KIRREL3: variants seen among roughly 807,000 people sequenced by gnomAD.
KIRREL3 encodes kirre like nephrin family adhesion molecule 3.
Under a neutral mutation model 89.7 loss-of-function variants are expected in KIRREL3, and 36 were observed. That is an observed-to-expected ratio of 0.40 (90% CI 0.31 to 0.53). The LOEUF (loss-of-function observed/expected upper bound fraction) is 0.53. Ranked by LOEUF, KIRREL3 falls within the 20% of genes least tolerant of loss-of-function variation. The probability of loss-of-function intolerance (pLI) is 0.49; values close to 1 mark genes in which losing one functional copy is unlikely to be tolerated. For missense variants in KIRREL3, 864 were observed against 1,056.6 expected (o/e 0.82, Z 2.53); for synonymous variants, 445 against 441.4 (o/e 1.01, Z -0.10).
Position 126,903,299 on chromosome 11 carries a change from A to T in KIRREL3, c.55+97156T>A, listed in dbSNP as rs574117415. On this transcript the variant is annotated intron_variant, in intron 1 of 16. Transcript: ENST00000525144. This position sits in a 1 kb window ranked among gnomAD's most constrained non-coding sequence, Gnocchi z 4.5. ...TTTCTTTTCTTTTTTTTTTAAACTA[A>T]TTTTTTCCTCTTTTTCTCTGGGTTA... Among the ~76,000 whole-genome samples the T allele has an allele frequency of 2.6e-5, 4 of 151,926 alleles. No homozygotes were observed. The highest frequency in any genetic ancestry group is 2.1e-4 in the South Asian group (1 of 4,808).
intron 9 of KIRREL3, 124 bp from the exon 10 acceptor site, chr11:126,445,229 A>G (rs1200841656): frequency 7.8e-7 from 1 of 1,288,270 alleles, no homozygotes; most frequent in East Asian, 2.5e-5. Flanking sequence ...CTCAGTAGGA[A>G]GCAAGGTGGG....
Position 126,501,380 on chromosome 11 carries a change from G to T in KIRREL3, c.433+19935C>A, listed in dbSNP as rs1957857135. ...CTGCAGAGGGAGAGGAGCCAGCTTG[G>T]GGCCTGGGGTGCAGTCTTAGAGACT... is the stretch of plus-strand genomic sequence containing the variant. On this transcript the variant is annotated intron_variant, in intron 4 of 16. Coordinates refer to ENST00000525144, the MANE Select transcript of KIRREL3 (RefSeq NM_032531.4). This position sits in a 1 kb window ranked among gnomAD's most constrained non-coding sequence, Gnocchi z 5.8. Among the ~76,000 whole-genome samples the T allele has an allele frequency of 6.6e-6, 1 of 152,216 alleles. No homozygotes were observed. Among genetic ancestry groups the T allele is most frequent in the African/African-American group, 2.4e-5 (1 of 41,452 alleles).
At chr11:126,735,800 A>G (rs116501099) in intron 1 of KIRREL3, among the ~76,000 whole-genome samples, 2,119 of 152,274 alleles carry the variant, frequency 0.014, 48 homozygotes, top group African/African-American at 0.045. Context: ...TTACTTTCTC[A>G]TTGCTTCCTT....
intron 1 of KIRREL3, among the ~76,000 whole-genome samples, chr11:126,899,381 C>G (rs1026594426): frequency 1.3e-5 from 2 of 152,132 alleles, no homozygotes; most frequent in Non-Finnish European, 2.9e-5. Context: ...CTATTAAACA[C>G]AAAATCTCTG....
At chr11:126,921,029 C>T (rs1234174064) in intron 1 of KIRREL3, among the ~76,000 whole-genome samples, 1 of 152,160 alleles carries the variant, frequency 6.6e-6, no homozygotes, top group East Asian at 1.9e-4. Flanking sequence ...TCTCTCTCGC[C>T]CCCTGTGGGC....
intron 1 of KIRREL3, among the ~76,000 whole-genome samples, chr11:126,584,828 A>C (rs1289182712): frequency 1.3e-5 from 2 of 152,216 alleles, no homozygotes; most frequent in South Asian, 2.1e-4. Context: ...TTAACTCAAT[A>C]ATACCAGATA....
chr11:126,828,731 C>T (rs1943503344), intron 1 of KIRREL3, among the ~76,000 whole-genome samples: 1 of 152,182 alleles, frequency 6.6e-6, no homozygotes, highest in African/African-American at 2.4e-5. Flanking sequence ...GACTGCACAA[C>T]CTTTAAAAGT....
rs1958510523 is a variant in KIRREL3, at chr11:126,519,114, A to G, written c.433+2201T>C. 1.3e-5 allele frequency among the ~76,000 whole-genome samples: 2 copies of G among 152,288 alleles called. No homozygotes were observed. The highest frequency in any genetic ancestry group is 4.1e-4 in the South Asian group (2 of 4,830). Reference sequence around the variant, plus strand: ...GCTGATCTCCAGACTTGAATAAAACATCTCCCCCATACAAACCCAGCTCTG... The same window carrying G: ...GCTGATCTCCAGACTTGAATAAAACGTCTCCCCCATACAAACCCAGCTCTG... On this transcript the variant is annotated intron_variant, in intron 4 of 16. Transcript: ENST00000525144. The surrounding 1 kb of genome is among the most constrained non-coding windows in gnomAD (Gnocchi z 4.3).
chr11:126,706,657 C>A (rs900010972), intron 1 of KIRREL3, among the ~76,000 whole-genome samples: 16 of 152,216 alleles, frequency 1.1e-4, no homozygotes, highest in African/African-American at 3.9e-4. Context: ...TCAAACCTTT[C>A]ATCTTCGGTT....
At position 126,656,081 on chromosome 11, in the gene KIRREL3, C is replaced by T. The variant is rs1295541200; in HGVS notation, c.56-93169G>A. ...CCTGTGGATTCACTAGATTCTGGGA[C>T]TATACCTTATCTATGCTGTGCAAAG... is the stretch of plus-strand genomic sequence containing the variant. On this transcript the variant is annotated intron_variant, in intron 1 of 16. Coordinates refer to ENST00000525144, the MANE Select transcript of KIRREL3 (RefSeq NM_032531.4). The surrounding 1 kb of genome is among the most constrained non-coding windows in gnomAD (Gnocchi z 4.0). 4.4e-6 allele frequency: 2 copies of T among 453,222 alleles called. No individual in the cohort carries two copies. The highest frequency in any genetic ancestry group is 8.9e-6 in the Non-Finnish European group (2 of 225,418). 28.1% of individuals were successfully genotyped at this position (453,222 alleles called of 1,614,324 possible).
At chr11:126,829,918 G>A (rs1053880237) in intron 1 of KIRREL3, among the ~76,000 whole-genome samples, 4 of 152,202 alleles carry the variant, frequency 2.6e-5, no homozygotes, top group Admixed American at 2.6e-4. Flanking sequence ...TTGGGAGGGA[G>A]TGAGTTTTGT....
intron 7 of KIRREL3, 28 bp downstream of exon 7, chr11:126,456,321 G>C: frequency 6.7e-7 from 1 of 1,486,910 alleles, no homozygotes; most frequent in Admixed American, 1.9e-5. Context: ...CAGTGGCCAG[G>C]CCGGGCCCCC....
Position 126,669,067 on chromosome 11 carries a change from A to T in KIRREL3, c.56-106155T>A, listed in dbSNP as rs992245974. Among the ~76,000 whole-genome samples the T allele has an allele frequency of 1.3e-5, 2 of 152,060 alleles. No homozygotes were observed. The highest frequency in any genetic ancestry group is 2.9e-5 in the Non-Finnish European group (2 of 68,012). ...TCCCTTTTTGACAATTCTTGGTAAA[A>T]GCTTTGCAAGTATGGAGCTAATCAA... On this transcript the variant is annotated intron_variant, in intron 1 of 16. Coordinates refer to ENST00000525144, the MANE Select transcript of KIRREL3 (RefSeq NM_032531.4). This position sits in a 1 kb window ranked among gnomAD's most constrained non-coding sequence, Gnocchi z 5.0.
At chr11:126,743,436 G>A (rs1592059962) in intron 1 of KIRREL3, among the ~76,000 whole-genome samples, 1 of 152,192 alleles carries the variant, frequency 6.6e-6, no homozygotes, top group African/African-American at 2.4e-5. Context: ...TTTCATCCAT[G>A]CTATCAGAGG....
chr11:126,424,378 C>CCCCCCCCACA lies in KIRREL3; in HGVS notation c.*201_*202insTGTGGGGGGG. On this transcript the variant is annotated 3_prime_UTR_variant, in exon 17 of 17. Coordinates refer to ENST00000525144, the MANE Select transcript of KIRREL3 (RefSeq NM_032531.4). ...CGCAGCCTCTGTCTGTCTCCCCACC[C>CCCCCCCCACA]GCCCACCTCTGGCACACAGCACCTG... The CCCCCCCCACA allele has an allele frequency of 2.2e-6, 1 of 459,258 alleles. No homozygotes were observed. 28.4% of individuals were successfully genotyped at this position (459,258 alleles called of 1,614,324 possible). A position where few individuals can be genotyped will look rare whatever the true frequency, so the allele number is the denominator to read the frequency against.
intron 1 of KIRREL3, among the ~76,000 whole-genome samples, chr11:126,600,913 A>C (rs1942624932): frequency 6.6e-6 from 1 of 152,116 alleles, no homozygotes; most frequent in African/African-American, 2.4e-5. Flanking sequence ...AGTTTTGTCC[A>C]TATCAGAGCA....
chr11:126,714,052 G>A (rs1393339543), intron 1 of KIRREL3, among the ~76,000 whole-genome samples: 1 of 152,102 alleles, frequency 6.6e-6, no homozygotes, highest in Non-Finnish European at 1.5e-5. Flanking sequence ...CATCACATAG[G>A]GCCAGGGCTG....
chr11:126,895,450 TAAAAAAA>T (rs36085945), intron 1 of KIRREL3, among the ~76,000 whole-genome samples: 3 of 108,180 alleles, frequency 2.8e-5, no homozygotes, highest in East Asian at 5.0e-4. Context: ...CACTGTCTCT[TAAAAAAA>T]AAAAAAAAAA....
In KIRREL3 at chr11:126,954,949, G is replaced by C. The variant is rs550831792; in HGVS notation, c.55+45506C>G. 2.6e-5 allele frequency among the ~76,000 whole-genome samples: 4 copies of C among 152,250 alleles called. No individual in the cohort carries two copies. The East Asian group carries it at 7.7e-4, about 29-fold the overall frequency. On this transcript the variant is annotated intron_variant, in intron 1 of 16. Transcript: ENST00000525144. This position sits in a 1 kb window ranked among gnomAD's most constrained non-coding sequence, Gnocchi z 4.1. ...TCTGTCTCTTGCATTCCCTCTCCTT[G>C]TCACATCTGACCAGTGGTTCATACA...
Sources: allele counts gnomAD v4.1 joint callset (sites outside exome capture counted in the v4.1 genomes callset), GRCh38; gene constraint gnomAD v4.1.1; non-coding constraint Gnocchi (gnomAD v3.1); transcripts MANE v1.5; gene names NCBI Gene and HGNC (gene_info 2026-07-23, HGNC 2026-07-21).